SIGLEC1: variants seen among roughly 807,000 people sequenced by gnomAD.
SIGLEC1 encodes sialic acid binding Ig like lectin 1, also known as sialoadhesin.
A neutral mutation model predicts 148.0 loss-of-function variants in SIGLEC1; 132 were observed. The observed-to-expected ratio is 0.89, with a 90% CI of 0.77 to 1.03. SIGLEC1 has a LOEUF of 1.03. Among genes scored for constraint, SIGLEC1 ranks in the 50% least tolerant of loss-of-function variants. The pLI, the probability that SIGLEC1 is intolerant of heterozygous loss-of-function variation, is 0.00. For missense variants in SIGLEC1, 2,253 were observed against 2,271.4 expected (o/e 0.99, Z 0.16); for synonymous variants, 945 against 969.0 (o/e 0.98, Z 0.46).
chr20:3,701,250 G>T, intron 7 of SIGLEC1, 92 bp downstream of exon 7: 2 of 1,226,100 alleles, frequency 1.6e-6, no homozygotes, highest in Non-Finnish European at 2.3e-6. Flanking sequence ...CAGTCCTGCG[G>T]TTGAGTCCAC....
At position 3,690,225 on chromosome 20, in the gene SIGLEC1, G is replaced by A. The variant is rs1182261986; in HGVS notation, c.4631C>T (p.Pro1544Leu). Residue 1544 changes from proline to leucine, a missense_variant, in exon 19 of 22, where the codon CCT (proline) becomes CTT (leucine). Coordinates refer to ENST00000344754, the MANE Select transcript of SIGLEC1 (RefSeq NM_023068.4). Reference sequence around the variant, plus strand: ...CAGGATGCCCCGGAGGCCACCCTCAGGCTCCACGAAGACCATCATGGTGGG... The same window carrying A: ...CAGGATGCCCCGGAGGCCACCCTCAAGCTCCACGAAGACCATCATGGTGGG... ...KTPTMMVFVE[P>L]EGGLRGILDC... 1 of 1,553,244 alleles carries A rather than the reference G, an allele frequency of 6.4e-7. No homozygotes were observed. Among genetic ancestry groups the A allele is most frequent in the East Asian group, 2.4e-5 (1 of 41,138 alleles).
chr20:3,711,405 C>T (rs766915940), intron 1 of SIGLEC1, among the ~76,000 whole-genome samples: 2 of 152,072 alleles, frequency 1.3e-5, no homozygotes, highest in Non-Finnish European at 2.9e-5. Context: ...GCCCCAAGTC[C>T]CTGACCTCTG....
In SIGLEC1 at chr20:3,711,699, A is replaced by G. The variant is rs73893088; in HGVS notation, c.-110+771T>C. ...CCAAATGTTTAATTCTCAGAGCCAT[A>G]GAATCCATAACTAATGCTTATTGGC... On this transcript the variant is annotated intron_variant, in intron 1 of 21. Coordinates refer to ENST00000344754, the MANE Select transcript of SIGLEC1 (RefSeq NM_023068.4). Among the ~76,000 whole-genome samples the G allele has an allele frequency of 8.9e-3, 1,353 of 152,350 alleles. 16 individuals are homozygous for G. Among genetic ancestry groups the G allele is most frequent in the African/African-American group, 0.031 (1,279 of 41,576 alleles).
chr20:3,688,796 A>G, intron 21 of SIGLEC1, 177 bp from the exon 22 acceptor site: 1 of 606,494 alleles, frequency 1.6e-6, no homozygotes, highest in Non-Finnish European at 2.9e-6. Flanking sequence ...ACCACAGGGG[A>G]GGAGAAACTG....
Position 3,703,233 on chromosome 20 carries a change from T to C in SIGLEC1, c.1192A>G (p.Ser398Gly). 2.5e-6 allele frequency: 4 copies of C among 1,614,142 alleles called. No individual in the cohort carries two copies. The highest frequency in any genetic ancestry group is 3.4e-6 in the Non-Finnish European group (4 of 1,180,012). Residue 398 changes from serine to glycine, a missense_variant, in exon 6 of 22, where the codon AGC becomes GGC. Ser to Gly is a moderately conservative substitution (Grantham distance 56). Coordinates refer to ENST00000344754, the MANE Select transcript of SIGLEC1 (RefSeq NM_023068.4). ...ACGCTGACAGGGCCCGAGCGCTCGC[T>C]GCCATGGACGTTCTGCACCTCACAG... is the stretch of plus-strand genomic sequence containing the variant. Reference protein sequence around the residue: ...YFCEVQNVHGSERSGPVSVVV... With the variant: ...YFCEVQNVHGGERSGPVSVVV...
At chr20:3,696,129 T>TATATATATATATATACACACACACAC (rs11087599) in intron 11 of SIGLEC1, among the ~76,000 whole-genome samples, 1 of 142,426 alleles carries the variant, frequency 7.0e-6, no homozygotes, top group African/African-American at 2.7e-5. Flanking sequence ...ACTATATATA[T>TATATATATATATATACACACACACAC]ACACACACAC....
rs1386342286 is a variant in SIGLEC1, at chr20:3,692,128, C to T, written c.4105G>A (p.Val1369Met). Residue 1369 changes from valine (V) to methionine (M), a missense_variant, in exon 17 of 22, where the codon GTG becomes ATG. Transcript: ENST00000344754. The part of the protein sequence containing the change: ...ARSMAVIQCT[V>M]DSEPPAELAL... ...AGCTCAGCAGGTGGCTCACTGTCCA[C>T]AGTGCACTGTATCACAGCCATGGAT... 1 of 1,604,086 alleles carries T rather than the reference C, an allele frequency of 6.2e-7. No individual in the cohort carries two copies.
intron 7 of SIGLEC1, among the ~76,000 whole-genome samples, chr20:3,700,625 A>G (rs1375734007): frequency 6.6e-6 from 1 of 151,532 alleles, no homozygotes; most frequent in African/African-American, 2.4e-5. Flanking sequence ...ATTAGCTACC[A>G]TGCCCTCAGG....
chr20:3,705,145 T>C (rs1321094144), intron 4 of SIGLEC1, among the ~76,000 whole-genome samples: 3 of 152,224 alleles, frequency 2.0e-5, no homozygotes, highest in Non-Finnish European at 2.9e-5. Context: ...TACAGGCATA[T>C]GCCACCACAC....
In SIGLEC1 at chr20:3,697,118, G is replaced by A. The variant is rs2087807979; in HGVS notation, c.2347C>T (p.Gln783Ter). 21 of 1,613,076 alleles carry A rather than the reference G, an allele frequency of 1.3e-5. No individual in the cohort carries two copies. The highest frequency in any genetic ancestry group is 1.8e-5 in the Non-Finnish European group (21 of 1,179,998). ...CTCAGGAGCACGGGAGTGGAGAGCT[G>A]GGCACCAGCCTCAGTCAGGATGCGG... ...ACRILTEAGA[Q>*]LSTPVLLSVL... is the part of the protein sequence containing the mutation. The change falls in exon 10 of 22, where the codon CAG becomes TAG. Residue 783 changes from glutamine (Q) to a stop codon, truncating the protein, a stop_gained. Coordinates refer to ENST00000344754, the MANE Select transcript of SIGLEC1 (RefSeq NM_023068.4). LOFTEE classifies it high-confidence loss of function.
rs372070682 is a variant in SIGLEC1 at position 3,689,255 on chromosome 20, G to A, written c.4998-28C>T. 2.5e-5 allele frequency: 39 copies of A among 1,586,250 alleles called. No individual in the cohort carries two copies. In the African/African-American group the frequency reaches 4.4e-4, roughly 18 times the overall value. ...GCAAGGCCCGGAGTGGACTCAGAGA[G>A]CCTCTCCCCTCCCCACCTCCTGCCC... is the stretch of plus-strand genomic sequence containing the variant. On this transcript the variant is annotated intron_variant, in intron 20 of 21. Transcript: ENST00000344754.
Position 3,692,955 on chromosome 20 carries a change from G to A in SIGLEC1, c.3685C>T (p.Arg1229Ter), listed in dbSNP as rs201351056. 101 of 1,612,492 alleles carry A rather than the reference G, an allele frequency of 6.3e-5. 1 individual carries two copies. Among genetic ancestry groups the A allele is most frequent in the South Asian group, 5.1e-4 (46 of 91,086 alleles). ...CCCTCATCCCTGGGCTGTGGCCCTC[G>A]CAGCTCCAGGCGCAGGGTGTTGGGG... ...SVPNTLRLEL[R>*]GPQPRDEGFY... The change falls in exon 15 of 22, where the codon CGA becomes TGA. Residue 1229 changes from arginine (R) to a stop codon, truncating the protein, a stop_gained. Coordinates refer to ENST00000344754, the MANE Select transcript of SIGLEC1 (RefSeq NM_023068.4). LOFTEE classifies it high-confidence loss of function.
Position 3,699,228 on chromosome 20 carries a change from G to T in SIGLEC1, c.1760C>A (p.Ser587Tyr). 6.2e-7 allele frequency: 1 copy of T among 1,610,738 alleles called. No individual in the cohort carries two copies. The highest frequency in any genetic ancestry group is 1.1e-5 in the South Asian group (1 of 90,680). Reference sequence around the variant, plus strand: ...GAGCACAGTGAGAACAGCTGGCGAAGAGGGGCCACTGGCACTGTGGCCGTC... The same window carrying T: ...GAGCACAGTGAGAACAGCTGGCGAATAGGGGCCACTGGCACTGTGGCCGTC... ...ARDGHSASGP[S>Y]SPAVLTVLYP... is the part of the protein sequence containing the mutation. The change falls in exon 8 of 22, where the codon TCT (serine) becomes TAT (tyrosine). Residue 587 changes from serine (S) to tyrosine (Y), a missense_variant. Coordinates refer to ENST00000344754, the MANE Select transcript of SIGLEC1 (RefSeq NM_023068.4).
chr20:3,688,179 G>T lies in SIGLEC1; in HGVS notation c.*381C>A, dbSNP rs2088717574. The T allele has an allele frequency of 3.1e-6, 1 of 320,566 alleles. No homozygotes were observed. Among genetic ancestry groups the T allele is most frequent in the Non-Finnish European group, 6.0e-6 (1 of 166,486 alleles). 19.9% of individuals were successfully genotyped at this position (320,566 alleles called of 1,614,324 possible). A position where few individuals can be genotyped will look rare whatever the true frequency, so the allele number is the denominator to read the frequency against. ...GCTGACTGATACTCTGTTGAATACA[G>T]AATGCCTTGGTGAGCCTCTGAGGAT... On this transcript the variant is annotated 3_prime_UTR_variant, in exon 22 of 22. Transcript: ENST00000344754.
intron 10 of SIGLEC1, 85 bp downstream of exon 10, chr20:3,696,999 TC>T (rs1351490739): frequency 3.9e-6 from 6 of 1,554,694 alleles, no homozygotes; most frequent in Admixed American, 1.8e-5. Context: ...TGCTCTTTCC[TC>T]CCCAAACCCC....
At chr20:3,694,097 G>C (rs1812049990) in intron 13 of SIGLEC1, 124 bp downstream of exon 13, 2 of 1,072,198 alleles carry the variant, frequency 1.9e-6, no homozygotes, top group Admixed American at 2.8e-5. Flanking sequence ...ACCATCGTTA[G>C]GAAGGGTGGG....
At chr20:3,699,991 A>G (rs1219190582) in intron 7 of SIGLEC1, among the ~76,000 whole-genome samples, 1 of 147,468 alleles carries the variant, frequency 6.8e-6, no homozygotes, top group Non-Finnish European at 1.5e-5. Flanking sequence ...TACATGTAGT[A>G]GAGATAGGGT....
rs565192140 is a variant in SIGLEC1, at chr20:3,691,617, G to A, written c.4331-17C>T. ...CGCGTGCACCTGCGGGCGGAGGATA[G>A]AGAGATGATTGGGGATCTGTAGGCC... On this transcript the variant is annotated splice_polypyrimidine_tract_variant and intron_variant, in intron 17 of 21. Coordinates refer to ENST00000344754, the MANE Select transcript of SIGLEC1 (RefSeq NM_023068.4). 11 of 1,607,636 alleles carry A rather than the reference G, an allele frequency of 6.8e-6. No homozygotes were observed. The South Asian group carries it at 9.9e-5, about 14-fold the overall frequency.
At position 3,699,465 on chromosome 20, in the gene SIGLEC1, G is replaced by A; in HGVS notation, c.1529-6C>T. On this transcript the variant is annotated splice_polypyrimidine_tract_variant and splice_region_variant and intron_variant, in intron 7 of 21. Coordinates refer to ENST00000344754, the MANE Select transcript of SIGLEC1 (RefSeq NM_023068.4). ...GCTGATGAGGAGACGGGCGGCTGCG[G>A]GGAGAGGAAGAGGCTGGGAAGGGTC... 4 of 1,604,596 alleles carry A rather than the reference G, an allele frequency of 2.5e-6. No homozygotes were observed. The highest frequency in any genetic ancestry group is 3.4e-6 in the Non-Finnish European group (4 of 1,176,404).
Sources: allele counts gnomAD v4.1 joint callset (sites outside exome capture counted in the v4.1 genomes callset), GRCh38; gene constraint gnomAD v4.1.1; transcripts MANE v1.5; gene names NCBI Gene and HGNC (gene_info 2026-07-23, HGNC 2026-07-21).